Variants in AIM2 observed in about 807,000 individuals in gnomAD.
The protein encoded by AIM2 is absent in melanoma 2, also known as interferon-inducible protein AIM2.
Under a neutral mutation model 27.7 loss-of-function variants are expected in AIM2, and 30 were observed. The ratio of observed to expected loss-of-function variants is 1.08; its 90% CI spans 0.81 to 1.47. The LOEUF (loss-of-function observed/expected upper bound fraction) is 1.47. Ranked by LOEUF, AIM2 falls within the 40% of genes most tolerant of loss-of-function variation. AIM2 has a pLI of 0.00. For synonymous variants in AIM2, 141 were observed against 145.3 expected, an observed-to-expected ratio of 0.97 and a Z score of 0.21; for missense variants, 358 against 411.3, an observed-to-expected ratio of 0.87 and a Z score of 1.12.
At chr1:159,065,318 C>T (rs1656034375) in intron 4 of AIM2, among the ~76,000 whole-genome samples, 2 of 152,196 alleles carry the variant, frequency 1.3e-5, no homozygotes, top group Non-Finnish European at 2.9e-5. Flanking sequence ...GCGCCTCTGC[C>T]CGGCCGCCGT....
chr1:159,119,164 G>A (rs997239250), intron 1 of AIM2, among the ~76,000 whole-genome samples: 9 of 152,124 alleles, frequency 5.9e-5, no homozygotes, highest in South Asian at 2.1e-4. Context: ...GAATCGGAAC[G>A]CTTGTAACCC....
At chr1:159,122,664 T>C (rs1220021521) in intron 1 of AIM2, among the ~76,000 whole-genome samples, 5 of 152,204 alleles carry the variant, frequency 3.3e-5, no homozygotes, top group Non-Finnish European at 7.3e-5. Context: ...AAGGCTGCCA[T>C]CTCTCAAAGA....
At position 159,066,407 on chromosome 1, in the gene AIM2, TA is replaced by T. The variant is rs1393916826; in HGVS notation, c.397-79del. 4 of 1,445,106 alleles carry T rather than the reference TA, an allele frequency of 2.8e-6. No individual in the cohort carries two copies. In the African/African-American group the frequency reaches 5.7e-5, roughly 21 times the overall value. 89.5% of individuals were successfully genotyped at this position (1,445,106 alleles called of 1,614,324 possible). The stretch of plus-strand genomic sequence containing the variant: ...AAGGACCTTACTTCACCTACAGTGC[TA>T]AACCTCAGAAAGCCAGCAGAAGATA... On this transcript the variant is annotated intron_variant, in intron 3 of 5. Coordinates refer to ENST00000368130, the MANE Select transcript of AIM2 (RefSeq NM_004833.3).
chr1:159,139,565 G>A (rs1235107801), intron 1 of AIM2, among the ~76,000 whole-genome samples: 5 of 151,900 alleles, frequency 3.3e-5, no homozygotes, highest in African/African-American at 7.3e-5. Flanking sequence ...GCAGATGTTC[G>A]GCAACTTGGC....
chr1:159,135,107 C>G (rs1405155586), intron 1 of AIM2, among the ~76,000 whole-genome samples: 1 of 152,214 alleles, frequency 6.6e-6, no homozygotes, highest in Admixed American at 6.5e-5. Context: ...GTGATCACCT[C>G]TGTCTCATTT....
At chr1:159,079,034 T>C (rs1447446649), upstream of AIM2, among the ~76,000 whole-genome samples, 1 of 152,192 alleles carries the variant, frequency 6.6e-6, no homozygotes, top group Non-Finnish European at 1.5e-5. Context: ...TGGACATTTC[T>C]TTCTTAAATA....
chr1:159,097,703 T>C (rs984172371), intron 1 of AIM2, among the ~76,000 whole-genome samples: 1 of 152,188 alleles, frequency 6.6e-6, no homozygotes, highest in African/African-American at 2.4e-5. Flanking sequence ...ATAATAGTAG[T>C]ACCTATTTAA....
chr1:159,102,939 G>C lies in AIM2; in HGVS notation c.-15-36610C>G, dbSNP rs149937563. Among the ~76,000 whole-genome samples the C allele has an allele frequency of 9.4e-3, 1,431 of 152,320 alleles. 30 individuals carry two copies. The highest frequency in any genetic ancestry group is 0.032 in the African/African-American group (1,338 of 41,560). ...GAGTTAAGACTTTGGGGGACTGTTG[G>C]AAGGGCATGATTGTATTTTCAAACA... is the stretch of plus-strand genomic sequence containing the variant. On this transcript the variant is annotated intron_variant, in intron 1 of 2. Coordinates refer to the AIM2 transcript ENST00000368129.
chr1:159,105,117 G>A (rs1195147969), intron 1 of AIM2, among the ~76,000 whole-genome samples: 1 of 152,214 alleles, frequency 6.6e-6, no homozygotes. Flanking sequence ...AGAGCAGCAA[G>A]GGGTGTGTGA....
chr1:159,107,187 A>G (rs1471216858), intron 1 of AIM2, among the ~76,000 whole-genome samples: 1 of 152,172 alleles, frequency 6.6e-6, no homozygotes, highest in African/African-American at 2.4e-5. Flanking sequence ...ATCATCTATT[A>G]ACATCTTGTC....
rs116541106 is a variant in AIM2 at position 159,133,773 on chromosome 1, C to T, written c.-16+6658G>A. On this transcript the variant is annotated intron_variant, in intron 1 of 2. Transcript: ENST00000368129. Reference sequence around the variant, plus strand: ...TCTCCCCACTACTTCTCCGACTCCTCTTACTCTGTTATTAAATGCTGAAGT... The same window carrying T: ...TCTCCCCACTACTTCTCCGACTCCTTTTACTCTGTTATTAAATGCTGAAGT... Among the ~76,000 whole-genome samples the T allele has an allele frequency of 7.8e-3, 1,187 of 152,298 alleles. 16 individuals are homozygous for T. Among genetic ancestry groups the T allele is most frequent in the African/African-American group, 0.027 (1,116 of 41,544 alleles).
At position 159,068,612 on chromosome 1, in the gene AIM2, C is replaced by T; in HGVS notation, c.352G>A (p.Val118Ile). 2 of 1,613,874 alleles carry T rather than the reference C, an allele frequency of 1.2e-6. No individual in the cohort carries two copies. The highest frequency in any genetic ancestry group is 1.7e-6 in the Non-Finnish European group (2 of 1,179,870). ...TTTGGTGCAGCACGTTGCTTTGCGA[C>T]ATCATTTCTGATGGCTGCAGATGCA... ...PAASAAIRND[V>I]AKQRAAPKVS... The change falls in exon 3 of 6, where the codon GTC (valine) becomes ATC (isoleucine). Residue 118 changes from valine to isoleucine, a missense_variant. Coordinates refer to ENST00000368130, the MANE Select transcript of AIM2 (RefSeq NM_004833.3).
At chr1:159,124,000 T>C (rs1647611636) in intron 1 of AIM2, among the ~76,000 whole-genome samples, 1 of 152,182 alleles carries the variant, frequency 6.6e-6, no homozygotes, top group Non-Finnish European at 1.5e-5. Flanking sequence ...AGATTCTTTA[T>C]TTTGCTCAAG....
intron 1 of AIM2, among the ~76,000 whole-genome samples, chr1:159,134,606 T>A (rs1003799262): frequency 1.3e-5 from 2 of 151,734 alleles, no homozygotes; most frequent in African/African-American, 2.4e-5. Flanking sequence ...CGGAGGCGGG[T>A]GGATTACCTG....
At chr1:159,065,466 A>G (rs1470908037) in intron 4 of AIM2, among the ~76,000 whole-genome samples, 1 of 152,106 alleles carries the variant, frequency 6.6e-6, no homozygotes, top group African/African-American at 2.4e-5. Context: ...TGTTTTCTTC[A>G]TTTAATCACA....
chr1:159,069,701 CCTGA>C (rs1181978848), intron 2 of AIM2, among the ~76,000 whole-genome samples: 1 of 152,052 alleles, frequency 6.6e-6, no homozygotes, highest in Non-Finnish European at 1.5e-5. Flanking sequence ...TGCCACCACG[CCTGA>C]CTAATTTTTG....
chr1:159,096,707 A>T (rs1424859965), intron 1 of AIM2, among the ~76,000 whole-genome samples: 1 of 152,086 alleles, frequency 6.6e-6, no homozygotes, highest in African/African-American at 2.4e-5. Context: ...GGCTCAGTAG[A>T]CTCAGAGCTG....
At chr1:159,073,559 A>C (rs1656465114) in intron 1 of AIM2, 40 bp from the exon 2 acceptor site, 7 of 1,536,058 alleles carry the variant, frequency 4.6e-6, no homozygotes, top group Non-Finnish European at 6.2e-6. Context: ...CACCACCAAA[A>C]GTGATTCTAC....
intron 2 of AIM2, among the ~76,000 whole-genome samples, chr1:159,072,260 T>A (rs1169539814): frequency 1.3e-5 from 2 of 152,232 alleles, no homozygotes; most frequent in Non-Finnish European, 2.9e-5. Flanking sequence ...CCTTAGAAAC[T>A]ACCTAACAGT....
Sources: allele counts gnomAD v4.1 joint callset (sites outside exome capture counted in the v4.1 genomes callset), GRCh38; gene constraint gnomAD v4.1.1; transcripts MANE v1.5; gene names NCBI Gene and HGNC (gene_info 2026-07-23, HGNC 2026-07-21).